EPHA2: variants seen among roughly 807,000 people sequenced by gnomAD.
EPHA2 encodes the protein ephrin type-A receptor 2.
EPHA2 carries 54 observed loss-of-function variants against 104.9 expected under a neutral mutation model. That is an observed-to-expected ratio of 0.51 (90% confidence interval 0.41 to 0.65). The LOEUF (loss-of-function observed/expected upper bound fraction) is 0.65, where lower values mean the gene tolerates loss of function less well. Ranked by LOEUF, EPHA2 falls within the 30% of genes least tolerant of loss-of-function variation. The pLI, the probability that EPHA2 is intolerant of heterozygous loss-of-function variation, is 0.00. For synonymous variants in EPHA2, 560 were observed against 559.1 expected (o/e 1.00, Z -0.02); for missense variants, 1,117 against 1,369.5 (o/e 0.82, Z 2.91).
chr1:16,128,716 A>C lies in EPHA2; in HGVS notation c.2825+718T>G, dbSNP rs887126807. Among the ~76,000 whole-genome samples the C allele has an allele frequency of 4.6e-5, 7 of 152,130 alleles. No homozygotes were observed. The highest frequency in any genetic ancestry group is 7.4e-5 in the Non-Finnish European group (5 of 68,022). Reference sequence around the variant, plus strand: ...AAAAGTCTCAATGCTGGAGTTGGGAAGGGGAGAAGAGCTGCCAAGGGGCAG... The same window carrying C: ...AAAAGTCTCAATGCTGGAGTTGGGACGGGGAGAAGAGCTGCCAAGGGGCAG... On this transcript the variant is annotated intron_variant, in intron 16 of 16. Transcript: ENST00000358432. This position sits in a 1 kb window ranked among gnomAD's most constrained non-coding sequence, Gnocchi z 4.7.
intron 1 of EPHA2, among the ~76,000 whole-genome samples, chr1:16,152,146 CT>C (rs1036357636): frequency 1.3e-5 from 2 of 152,210 alleles, no homozygotes; most frequent in Non-Finnish European, 2.9e-5. Context: ...CAAGTCAATG[CT>C]TCCTTTGGGC....
chr1:16,124,399 AT>A lies in EPHA2; in HGVS notation c.*815del, dbSNP rs2024428403. The A allele has an allele frequency of 6.6e-6, 1 of 152,618 alleles. No individual in the cohort carries two copies. Among genetic ancestry groups the A allele is most frequent in the Non-Finnish European group, 1.5e-5 (1 of 68,044 alleles). The allele number at this position is 152,618 out of a possible 1,614,324, so 9.5% of individuals were successfully genotyped here. A position where few individuals can be genotyped will look rare whatever the true frequency, so the allele number is the denominator to read the frequency against. On this transcript the variant is annotated 3_prime_UTR_variant, in exon 17 of 17. Coordinates refer to ENST00000358432, the MANE Select transcript of EPHA2 (RefSeq NM_004431.5). ...AATAAGTCATTTTCTAACAATAAATATAAAAAAAATAATAAATTAAGATTCG... is the reference window on the plus strand; with the variant it reads ...AATAAGTCATTTTCTAACAATAAATAAAAAAAAATAATAAATTAAGATTCG...
chr1:16,133,820 T>C (rs573744543), intron 9 of EPHA2, 40 bp downstream of exon 9: 138 of 1,526,256 alleles, frequency 9.0e-5, no homozygotes, highest in Admixed American at 1.8e-4. Flanking sequence ...CTGGGGACGG[T>C]GCGGGCAGGG....
intron 1 of EPHA2, 198 bp downstream of exon 1, chr1:16,155,650 G>A (rs1175814948): frequency 1.6e-5 from 7 of 437,838 alleles, no homozygotes; most frequent in Non-Finnish European, 2.8e-5. Flanking sequence ...AGCTGAAACC[G>A]CTTATTCTCC....
intron 4 of EPHA2, 36 bp downstream of exon 4, chr1:16,138,239 C>A (rs11587462): frequency 6.2e-7 from 1 of 1,612,750 alleles, no homozygotes; most frequent in Non-Finnish European, 8.5e-7. Context: ...ACACGTCACC[C>A]TCAGTCACGC....
Position 16,134,431 on chromosome 1 carries a change from A to G in EPHA2, c.1682+37T>C. The G allele has an allele frequency of 6.2e-7, 1 of 1,600,592 alleles. No individual in the cohort carries two copies. Among genetic ancestry groups the G allele is most frequent in the Non-Finnish European group, 8.6e-7 (1 of 1,168,026 alleles). On this transcript the variant is annotated intron_variant, in intron 8 of 16. Transcript: ENST00000358432. This position sits in a 1 kb window ranked among gnomAD's most constrained non-coding sequence, Gnocchi z 4.5. ...AGGTTCCTGCCCCATTTTCCCACCC[A>G]AGCCCATGTGGAGCCAGGGTATGGG... is the stretch of plus-strand genomic sequence containing the variant.
At position 16,131,988 on chromosome 1, in the gene EPHA2, G is replaced by A; in HGVS notation, c.2325+76C>T. The A allele has an allele frequency of 6.2e-7, 1 of 1,611,062 alleles. No homozygotes were observed. The highest frequency in any genetic ancestry group is 8.5e-7 in the Non-Finnish European group (1 of 1,178,224). On this transcript the variant is annotated intron_variant, in intron 13 of 16. Transcript: ENST00000358432. This position sits in a 1 kb window ranked among gnomAD's most constrained non-coding sequence, Gnocchi z 5.2. ...CAGGTGTTCTGCCTCCTGAAGCACT[G>A]CCCAGGTGTGCAGGTGAGAGGACAC...
rs558609049 is a variant in EPHA2, at chr1:16,154,756, CAAAAAAAA to C, written c.85+1084_85+1091del. ...GGGCAACAAGTGCGAAACTCCGTCT[CAAAAAAAA>C]AAAAAAAAAAAAAAAAGAAGGAAAC... On this transcript the variant is annotated intron_variant, in intron 1 of 16. Transcript: ENST00000358432. Among the ~76,000 whole-genome samples, 525 of 66,906 alleles carry C rather than the reference CAAAAAAAA, an allele frequency of 7.8e-3. 3 individuals carry two copies. Among genetic ancestry groups the C allele is most frequent in the Non-Finnish European group, 0.012 (431 of 35,374 alleles). 43.9% of individuals were successfully genotyped at this position (66,906 alleles called of 152,430 possible). A position where few individuals can be genotyped will look rare whatever the true frequency, so the allele number is the denominator to read the frequency against.
At position 16,132,056 on chromosome 1, in the gene EPHA2, C is replaced by A; in HGVS notation, c.2325+8G>T. On this transcript the variant is annotated splice_region_variant and intron_variant, in intron 13 of 16. Transcript: ENST00000358432. ...GCTTCTCCCTTGAGGTCCCCTTCCC[C>A]AACTTACACTGGTGGTGTAGGTGGC... 1 of 1,614,120 alleles carries A rather than the reference C, an allele frequency of 6.2e-7. No individual in the cohort carries two copies. Among genetic ancestry groups the A allele is most frequent in the Non-Finnish European group, 8.5e-7 (1 of 1,180,032 alleles).
chr1:16,133,774 G>A (rs1040467509), intron 9 of EPHA2, 86 bp downstream of exon 9: 4 of 1,494,538 alleles, frequency 2.7e-6, no homozygotes, highest in African/African-American at 1.4e-5. Flanking sequence ...CCAGTGCCCT[G>A]GGAACACCCT....
chr1:16,131,587 A>G lies in EPHA2; in HGVS notation c.2475+134T>C. The stretch of plus-strand genomic sequence containing the variant: ...AAGAGCAAAACTCCGTCTCCAAAAA[A>G]AAAAAATAAACATTTATGGAGCAAG... On this transcript the variant is annotated intron_variant, in intron 14 of 16. Transcript: ENST00000358432. The surrounding 1 kb of genome is among the most constrained non-coding windows in gnomAD (Gnocchi z 5.2). 7.4e-7 allele frequency: 1 copy of G among 1,343,278 alleles called. No homozygotes were observed. The highest frequency in any genetic ancestry group is 1.0e-6 in the Non-Finnish European group (1 of 991,336). The allele number at this position is 1,343,278 out of a possible 1,614,324, so 83.2% of individuals were successfully genotyped here. A position where few individuals can be genotyped will look rare whatever the true frequency, so the allele number is the denominator to read the frequency against.
In EPHA2 at chr1:16,135,127, C is replaced by T. The variant is rs1003780224; in HGVS notation, c.1491G>A (p.Leu497=). The T allele has an allele frequency of 8.7e-6, 14 of 1,613,916 alleles. No homozygotes were observed. In the African/African-American group the frequency reaches 1.2e-4, roughly 14 times the overall value. ...TEGFSVTLDD[L]APDTTYLVQV... ...GGACCAGGTAGGTGGTGTCTGGGGCCAGGTCGTCCAGGGTCACGGAGAAAC... is the reference window on the plus strand; with the variant it reads ...GGACCAGGTAGGTGGTGTCTGGGGCTAGGTCGTCCAGGGTCACGGAGAAAC... Residue 497 remains leucine (L), a synonymous_variant, in exon 7 of 17, where the codon CTG becomes CTA. Coordinates refer to ENST00000358432, the MANE Select transcript of EPHA2 (RefSeq NM_004431.5). The surrounding 1 kb of genome is among the most constrained non-coding windows in gnomAD (Gnocchi z 4.3).
At chr1:16,149,096 G>C in intron 2 of EPHA2, 49 bp from the exon 3 acceptor site, 1 of 1,595,318 alleles carries the variant, frequency 6.3e-7, no homozygotes, top group Non-Finnish European at 8.5e-7. Context: ...TGGGGAAACT[G>C]AGGCCCAGGT....
intron 3 of EPHA2, among the ~76,000 whole-genome samples, chr1:16,138,928 G>A (rs2024772344): frequency 6.6e-6 from 1 of 152,194 alleles, no homozygotes; most frequent in Admixed American, 6.5e-5. Flanking sequence ...TGACTCACTG[G>A]CCAGCCTCAT....
intron 1 of EPHA2, among the ~76,000 whole-genome samples, chr1:16,151,770 G>A (rs1409063353): frequency 6.6e-6 from 1 of 152,184 alleles, no homozygotes; most frequent in Non-Finnish European, 1.5e-5. Flanking sequence ...AGAGGTTCCT[G>A]GGGGATCAGG....
rs1156929362 is a variant in EPHA2, at chr1:16,129,674, T to C, written c.2670-85A>G. 6 of 1,490,922 alleles carry C rather than the reference T, an allele frequency of 4.0e-6. No homozygotes were observed. The East Asian group carries it at 7.4e-5, about 18-fold the overall frequency. 92.4% of individuals were successfully genotyped at this position (1,490,922 alleles called of 1,614,324 possible). On this transcript the variant is annotated intron_variant, in intron 15 of 16. Transcript: ENST00000358432. ...ACCTGCTGCTCCCTAACCTGGATGA[T>C]TGACTCGGCTGCCCCGTGCCTCCGT...
At position 16,132,449 on chromosome 1, in the gene EPHA2, G is replaced by T. The variant is rs762147989; in HGVS notation, c.2054-10C>A. The T allele has an allele frequency of 1.9e-6, 3 of 1,613,636 alleles. No individual in the cohort carries two copies. The highest frequency in any genetic ancestry group is 2.5e-6 in the Non-Finnish European group (3 of 1,180,010). On this transcript the variant is annotated splice_polypyrimidine_tract_variant and intron_variant, in intron 11 of 16. Transcript: ENST00000358432. ...ATCATCATGGGCTTGTCTGTAGGGG[G>T]GTGGGCACAGGTGAGAGGTAAGTGG... is the stretch of plus-strand genomic sequence containing the variant.
chr1:16,144,117 T>C (rs1369340723), intron 3 of EPHA2, among the ~76,000 whole-genome samples: 1 of 152,070 alleles, frequency 6.6e-6, no homozygotes, highest in African/African-American at 2.4e-5. Flanking sequence ...CCTTCCGTTC[T>C]GGGGACCCAC....
At chr1:16,132,329 C>T (rs1570399375) in intron 12 of EPHA2, 49 bp downstream of exon 12, 1 of 1,614,118 alleles carries the variant, frequency 6.2e-7, no homozygotes, top group African/African-American at 1.3e-5. Flanking sequence ...CAGGCCAGCC[C>T]CGGGCTCAAT....
Sources: gnomAD v4.1 joint callset for allele counts (sites outside exome capture counted in the v4.1 genomes callset) on GRCh38, gnomAD v4.1.1 for gene constraint, Gnocchi (gnomAD v3.1) non-coding constraint, MANE v1.5 for transcripts, NCBI Gene and HGNC (gene_info 2026-07-23, HGNC 2026-07-21) for gene names.